UNC50: variants seen among roughly 807,000 people sequenced by gnomAD.
UNC50 encodes the protein unc-50 inner nuclear membrane RNA binding protein.
UNC50 carries 24 observed loss-of-function variants against 31.5 expected under a neutral mutation model. That is an observed-to-expected ratio of 0.76 (90% CI 0.55 to 1.07). UNC50 has a LOEUF of 1.07. Among genes scored for constraint, UNC50 ranks in the 50% least tolerant of loss-of-function variants. UNC50 has a pLI of 0.00. For synonymous variants in UNC50, 118 were observed against 114.7 expected (o/e 1.03, Z -0.18); for missense variants, 245 against 304.2 (o/e 0.81, Z 1.45).
chr2:98,609,540 G>A (rs1700784578), intron 1 of UNC50: 4 of 655,280 alleles, frequency 6.1e-6, no homozygotes, highest in Non-Finnish European at 1.1e-5. Flanking sequence ...ATTCAGAAGG[G>A]TGGGCTGTTG....
At chr2:98,618,123 ATTTTT>A in intron 5 of UNC50, 40 bp from the exon 6 acceptor site, 3 of 1,233,970 alleles carry the variant, frequency 2.4e-6, no homozygotes, top group Non-Finnish European at 2.1e-6. Context: ...TTAGTCATTT[ATTTTT>A]TTTTTTTTTT....
chr2:98,616,118 G>A, intron 3 of UNC50, 89 bp from the exon 4 acceptor site: 1 of 1,370,086 alleles, frequency 7.3e-7, no homozygotes, highest in East Asian at 2.4e-5. Context: ...TATATCTCCA[G>A]AATTTAGAAT....
intron 1 of UNC50, chr2:98,609,523 T>C (rs548548179): frequency 2.3e-5 from 14 of 611,178 alleles, no homozygotes; most frequent in African/African-American, 1.7e-4. Context: ...ATAAGTGTTA[T>C]TAGGTGATTC....
chr2:98,617,036 G>A (rs900504706), intron 5 of UNC50, among the ~76,000 whole-genome samples: 11 of 152,170 alleles, frequency 7.2e-5, no homozygotes, highest in African/African-American at 2.4e-4. Flanking sequence ...TGGTTCTGTA[G>A]ACAATCACAG....
At chr2:98,618,138 T>TAAA (rs1553534036) in intron 5 of UNC50, 30 bp from the exon 6 acceptor site, 1 of 1,465,992 alleles carries the variant, frequency 6.8e-7, no homozygotes, top group African/African-American at 1.4e-5. Context: ...TTTTTTTTTT[T>TAAA]AAATCAGTTT....
intron 3 of UNC50, among the ~76,000 whole-genome samples, chr2:98,615,484 T>A (rs2104184836): frequency 6.6e-6 from 1 of 152,298 alleles, no homozygotes; most frequent in East Asian, 1.9e-4. Context: ...AAGGCAGAAA[T>A]CTCTCAGTCA....
intron 1 of UNC50, 63 bp downstream of exon 1, chr2:98,608,789 C>A: frequency 3.3e-6 from 1 of 299,840 alleles, no homozygotes; most frequent in Non-Finnish European, 6.4e-6. Context: ...CCATTTAATC[C>A]CGACAGCTTG....
intron 3 of UNC50, among the ~76,000 whole-genome samples, chr2:98,613,614 C>T (rs149458798): frequency 2.5e-4 from 38 of 152,286 alleles, no homozygotes; most frequent in Non-Finnish European, 4.1e-4. Flanking sequence ...GGGGAAATTA[C>T]GTCCATCTGG....
At chr2:98,616,661 C>T in intron 5 of UNC50, 128 bp downstream of exon 5, 1 of 683,296 alleles carries the variant, frequency 1.5e-6, no homozygotes, top group Non-Finnish European at 2.4e-6. Flanking sequence ...TGTGCATTAT[C>T]TCATTTAATC....
intron 3 of UNC50, among the ~76,000 whole-genome samples, chr2:98,612,930 C>T (rs529081000): frequency 3.9e-5 from 6 of 152,336 alleles, no homozygotes; most frequent in Non-Finnish European, 8.8e-5. Context: ...CTTAAAAATG[C>T]TGACACAGAG....
chr2:98,612,976 C>T (rs1700860653), intron 3 of UNC50, among the ~76,000 whole-genome samples: 2 of 152,186 alleles, frequency 1.3e-5, no homozygotes, highest in Admixed American at 1.3e-4. Flanking sequence ...AAAAATGGCA[C>T]AGGCAGACTT....
At chr2:98,616,729 GATT>G (rs1700928554) in intron 5 of UNC50, among the ~76,000 whole-genome samples, 196 bp downstream of exon 5, 1 of 152,206 alleles carries the variant, frequency 6.6e-6, no homozygotes, top group African/African-American at 2.4e-5. Flanking sequence ...GAGGCAGAGA[GATT>G]AAGCAACTTA....
intron 5 of UNC50, 40 bp downstream of exon 5, chr2:98,616,573 C>A (rs371481144): frequency 1.1e-5 from 16 of 1,519,008 alleles, no homozygotes; most frequent in African/African-American, 1.4e-5. Context: ...GAGAACATAG[C>A]AAGAGGGGGA....
intron 1 of UNC50, chr2:98,609,115 T>C: frequency 6.5e-6 from 1 of 154,060 alleles, no homozygotes; most frequent in South Asian, 1.9e-4. Flanking sequence ...CTGGGGGGCC[T>C]GCGAAGTGGA....
Position 98,609,984 on chromosome 2 carries a change from C to G in UNC50, c.225C>G (p.Asp75Glu). 6.2e-7 allele frequency: 1 copy of G among 1,614,186 alleles called. No individual in the cohort carries two copies. Among genetic ancestry groups the G allele is most frequent in the Non-Finnish European group, 8.5e-7 (1 of 1,180,038 alleles). Reference sequence around the variant, plus strand: ...TTCATTATCGAAAACAGACGAAGGACCAGTGGGCCAGAGATGACCCTGCTT... The same window carrying G: ...TTCATTATCGAAAACAGACGAAGGAGCAGTGGGCCAGAGATGACCCTGCTT... ...RNFHYRKQTK[D>E]QWARDDPAFL... Residue 75 changes from aspartate to glutamate, a missense_variant, in exon 2 of 6, where the codon GAC (aspartate) becomes GAG (glutamate). By Grantham distance (45) the Asp-to-Glu change is conservative. Coordinates refer to ENST00000357765, the MANE Select transcript of UNC50 (RefSeq NM_014044.7).
chr2:98,614,914 A>G (rs926790690), intron 3 of UNC50, among the ~76,000 whole-genome samples: 1 of 152,198 alleles, frequency 6.6e-6, no homozygotes. Context: ...GCGTATTCTT[A>G]ATTGTACCCT....
chr2:98,610,217 A>G (rs1236772893), intron 2 of UNC50, among the ~76,000 whole-genome samples, 178 bp downstream of exon 2: 2 of 152,236 alleles, frequency 1.3e-5, no homozygotes, highest in African/African-American at 4.8e-5. Context: ...GGTCCCAAGC[A>G]GATGCCAGAG....
chr2:98,609,838 G>A lies in UNC50; in HGVS notation c.79G>A (p.Ala27Thr), dbSNP rs1250755201. The A allele has an allele frequency of 6.2e-7, 1 of 1,614,084 alleles. No individual in the cohort carries two copies. Among genetic ancestry groups the A allele is most frequent in the Non-Finnish European group, 8.5e-7 (1 of 1,180,044 alleles). Residue 27 changes from alanine (A) to threonine (T), a missense_variant, in exon 2 of 6, where the codon GCC becomes ACC. Transcript: ENST00000357765. Reference protein sequence around the residue: ...LNSRDAARHTAGAKRYKYLRR... With the variant: ...LNSRDAARHTTGAKRYKYLRR... ...TTCCAGGGATGCGGCAAGACACACAGCCGGAGCGAAACGCTACAAATATCT... is the reference window on the plus strand; with the variant it reads ...TTCCAGGGATGCGGCAAGACACACAACCGGAGCGAAACGCTACAAATATCT...
chr2:98,609,794 A>AG lies in UNC50; in HGVS notation c.39dup (p.Asn14GlufsTer34). 1 of 1,614,246 alleles carries AG rather than the reference A, an allele frequency of 6.2e-7. No individual in the cohort carries two copies. Among genetic ancestry groups the AG allele is most frequent in the Non-Finnish European group, 8.5e-7 (1 of 1,180,046 alleles). The stretch of plus-strand genomic sequence containing the variant: ...AGTACTTCAGTGAATTCCTTAGTGC[A>AG]GGGGAACGGAGTCTTGAATTCCAGG... On this transcript the variant is annotated frameshift_variant, in exon 2 of 6. Coordinates refer to ENST00000357765, the MANE Select transcript of UNC50 (RefSeq NM_014044.7). LOFTEE classifies it high-confidence loss of function.
Sources: gnomAD v4.1 joint callset for allele counts (sites outside exome capture counted in the v4.1 genomes callset) on GRCh38, gnomAD v4.1.1 for gene constraint, MANE v1.5 for transcripts, NCBI Gene and HGNC (gene_info 2026-07-23, HGNC 2026-07-21) for gene names.